The following C10orf67 variants were observed in gnomAD, a reference collection of about 807,000 sequenced individuals.
C10orf67 encodes chromosome 10 open reading frame 67.
Under a neutral mutation model 35.6 loss-of-function variants are expected in C10orf67, and 60 were observed. That is an observed-to-expected ratio of 1.68 (90% confidence interval 1.37 to 2.09). The LOEUF (loss-of-function observed/expected upper bound fraction) is 2.09. C10orf67 is among the 30% of genes most tolerant of loss of function. C10orf67 has a pLI of 0.00. For missense variants in C10orf67, 474 were observed against 330.2 expected (o/e 1.44, Z -3.38); for synonymous variants, 167 against 115.8 (o/e 1.44, Z -2.84).
rs138571328 is a variant in C10orf67 at position 23,309,353 on chromosome 10, A to T, written c.547-5894T>A. On this transcript the variant is annotated intron_variant, in intron 4 of 15. Transcript: ENST00000636213. ...AGCTAAACAACGGGTACACATGAAC[A>T]TAAGGACGAAAATAATGGACACTGG... Among the ~76,000 whole-genome samples, 182 of 152,320 alleles carry T rather than the reference A, an allele frequency of 1.2e-3. 1 individual carries two copies. Among genetic ancestry groups the T allele is most frequent in the Middle Eastern group, 3.4e-3 (1 of 294 alleles).
chr10:23,286,372 C>G (rs1472511792), intron 7 of C10orf67, among the ~76,000 whole-genome samples: 1 of 110,720 alleles, frequency 9.0e-6, no homozygotes, highest in Non-Finnish European at 1.8e-5. Flanking sequence ...GTACTCTAGC[C>G]TTAGGGACAG....
intron 10 of C10orf67, among the ~76,000 whole-genome samples, chr10:23,251,789 C>T (rs1842461468): frequency 6.6e-6 from 1 of 152,144 alleles, no homozygotes. Context: ...CCAATAGGTG[C>T]TGCATAGCTT....
intron 1 of C10orf67, among the ~76,000 whole-genome samples, chr10:23,340,226 G>A (rs373133967): frequency 1.2e-3 from 182 of 151,980 alleles, no homozygotes; most frequent in African/African-American, 4.2e-3. Context: ...TTTAAAATCA[G>A]GTTCAGGCTG....
intron 5 of C10orf67, among the ~76,000 whole-genome samples, chr10:23,293,313 T>C (rs574897628): frequency 3.3e-5 from 5 of 152,326 alleles, no homozygotes; most frequent in African/African-American, 9.6e-5. Flanking sequence ...GGTTAACCCT[T>C]AGCTCTGTCC....
At chr10:23,244,820 G>A (rs1249155804) in intron 12 of C10orf67, among the ~76,000 whole-genome samples, 1 of 152,112 alleles carries the variant, frequency 6.6e-6, no homozygotes, top group Non-Finnish European at 1.5e-5. Context: ...AAATTGCAAT[G>A]GCATTTTTCA....
At chr10:23,233,039 C>A (rs1400572199) in intron 13 of C10orf67, among the ~76,000 whole-genome samples, 1 of 152,092 alleles carries the variant, frequency 6.6e-6, no homozygotes, top group Non-Finnish European at 1.5e-5. Flanking sequence ...CACCTGCAGT[C>A]CCAGCTACTC....
At chr10:23,303,681 G>A (rs1844173769) in intron 4 of C10orf67, among the ~76,000 whole-genome samples, 1 of 152,200 alleles carries the variant, frequency 6.6e-6, no homozygotes, top group South Asian at 2.1e-4. Flanking sequence ...TACGCACTAT[G>A]TAGCACAGTG....
intron 5 of C10orf67, among the ~76,000 whole-genome samples, chr10:23,297,175 T>C (rs961544210): frequency 3.3e-5 from 5 of 152,018 alleles, no homozygotes; most frequent in Admixed American, 3.3e-4. Flanking sequence ...TAATGGAGGG[T>C]CCTTCCTTGT....
intron 13 of C10orf67, among the ~76,000 whole-genome samples, chr10:23,236,542 C>T (rs760980213): frequency 2.0e-5 from 3 of 152,140 alleles, no homozygotes; most frequent in South Asian, 2.1e-4. Flanking sequence ...GAGGGTAAAA[C>T]GATGCAGTCA....
intron 15 of C10orf67, among the ~76,000 whole-genome samples, chr10:23,219,154 C>T (rs923021538): frequency 6.6e-6 from 1 of 152,096 alleles, no homozygotes; most frequent in Admixed American, 6.6e-5. Flanking sequence ...ATTGTTCTGT[C>T]CTTTAAAAAC....
chr10:23,221,197 A>G (rs965858151), intron 15 of C10orf67, among the ~76,000 whole-genome samples: 5 of 152,170 alleles, frequency 3.3e-5, no homozygotes, highest in Non-Finnish European at 7.4e-5. Context: ...TGGAAGGGGA[A>G]GTAAGCATGT....
chr10:23,258,073 G>A (rs916357667), intron 10 of C10orf67: 1 of 152,240 alleles, frequency 6.6e-6, no homozygotes, highest in African/African-American at 2.4e-5. Context: ...GCAGCTCGCT[G>A]GAACAGGCTG....
At chr10:23,330,721 C>T (rs1432172827) in intron 2 of C10orf67, among the ~76,000 whole-genome samples, 2 of 139,136 alleles carry the variant, frequency 1.4e-5, no homozygotes, top group African/African-American at 2.7e-5. Context: ...GCCTGGGCGA[C>T]AGAGCAAGAC....
At chr10:23,328,435 C>A (rs957880961) in intron 2 of C10orf67, among the ~76,000 whole-genome samples, 3 of 152,138 alleles carry the variant, frequency 2.0e-5, no homozygotes, top group Non-Finnish European at 4.4e-5. Context: ...TATTCTCCTT[C>A]CATAGAAGCT....
chr10:23,313,557 G>A (rs551410285), intron 4 of C10orf67, among the ~76,000 whole-genome samples: 61 of 152,308 alleles, frequency 4.0e-4, no homozygotes, highest in African/African-American at 1.4e-3. Flanking sequence ...TCCCTGCTCT[G>A]CAGGAAGAGT....
At chr10:23,259,294 G>C (rs908396621) in intron 10 of C10orf67, among the ~76,000 whole-genome samples, 4 of 152,178 alleles carry the variant, frequency 2.6e-5, no homozygotes, top group Non-Finnish European at 5.9e-5. Context: ...ACTTTTGGCT[G>C]TTTCCTAATG....
intron 2 of C10orf67, among the ~76,000 whole-genome samples, chr10:23,323,169 G>A (rs1431868582): frequency 6.6e-6 from 1 of 152,166 alleles, no homozygotes; most frequent in East Asian, 1.9e-4. Context: ...ACCTCAAAAG[G>A]TATAGTTCTC....
At chr10:23,228,568 CA>C (rs1248688344) in intron 13 of C10orf67, among the ~76,000 whole-genome samples, 2 of 152,252 alleles carry the variant, frequency 1.3e-5, no homozygotes, top group East Asian at 3.9e-4. Context: ...GCAATGGCAA[CA>C]AAAGCCAAAA....
chr10:23,219,932 G>C (rs1420755405), intron 15 of C10orf67, among the ~76,000 whole-genome samples: 1 of 152,160 alleles, frequency 6.6e-6, no homozygotes, highest in African/African-American at 2.4e-5. Flanking sequence ...CTTTGAAAGA[G>C]TATGTATGAC....
Sources: gnomAD v4.1 joint callset for allele counts (sites outside exome capture counted in the v4.1 genomes callset) on GRCh38, gnomAD v4.1.1 for gene constraint, MANE v1.5 for transcripts, NCBI Gene and HGNC (gene_info 2026-07-23, HGNC 2026-07-21) for gene names.